Variants in RASSF5 observed in about 807,000 individuals in gnomAD.
RASSF5 encodes the protein ras association domain-containing protein 5.
In RASSF5, 25 loss-of-function variants were observed where a neutral mutation model predicts 40.5. The observed-to-expected ratio is 0.62, with a 90% CI of 0.45 to 0.86. The LOEUF (loss-of-function observed/expected upper bound fraction) is 0.86, where lower values mean the gene tolerates loss of function less well. RASSF5 is among the 40% of genes least tolerant of loss of function. The pLI is 0.00. For missense variants in RASSF5, 521 were observed against 572.8 expected (o/e 0.91, Z 0.92); for synonymous variants, 246 against 252.4 (o/e 0.97, Z 0.24).
At chr1:206,578,222 C>CA (rs79362621) in intron 2 of RASSF5, among the ~76,000 whole-genome samples, 12 of 137,324 alleles carry the variant, frequency 8.7e-5, no homozygotes, top group South Asian at 2.4e-4. Context: ...GGAGACATCT[C>CA]AAAAAAAAAA....
At chr1:206,544,978 G>A (rs947812615) in intron 2 of RASSF5, 6 of 152,196 alleles carry the variant, frequency 3.9e-5, no homozygotes, top group Middle Eastern at 3.2e-3. Context: ...ACCACGTGGG[G>A]GAGCCAGAGA....
intron 2 of RASSF5, among the ~76,000 whole-genome samples, chr1:206,576,405 T>C (rs934383485): frequency 3.9e-5 from 6 of 152,330 alleles, no homozygotes; most frequent in African/African-American, 1.4e-4. Flanking sequence ...GCCAGCTTTG[T>C]TGCCTCCTCA....
chr1:206,533,968 A>G (rs926871560), intron 1 of RASSF5, among the ~76,000 whole-genome samples: 2 of 152,198 alleles, frequency 1.3e-5, no homozygotes, highest in South Asian at 4.1e-4. Context: ...GCTGCACACC[A>G]AGGAATCCAG....
rs1476107243 is a variant in RASSF5 at position 206,535,643 on chromosome 1, G to C, written c.458-2529G>C. On this transcript the variant is annotated intron_variant, in intron 1 of 5. Coordinates refer to ENST00000579436, the MANE Select transcript of RASSF5 (RefSeq NM_182663.4). This position sits in a 1 kb window ranked among gnomAD's most constrained non-coding sequence, Gnocchi z 5.0. Reference sequence around the variant, plus strand: ...CCCAGAACACTTCTCAGAGTCTTCTGCTACTTAGTGTTGTCCAGCTCAGCA... The same window carrying C: ...CCCAGAACACTTCTCAGAGTCTTCTCCTACTTAGTGTTGTCCAGCTCAGCA... Among the ~76,000 whole-genome samples the C allele has an allele frequency of 6.6e-6, 1 of 151,940 alleles. No individual in the cohort carries two copies. The highest frequency in any genetic ancestry group is 1.9e-4 in the East Asian group (1 of 5,188).
chr1:206,555,508 G>GA (rs111874654), intron 2 of RASSF5, among the ~76,000 whole-genome samples: 3,589 of 143,950 alleles, frequency 0.025, 132 homozygotes, highest in African/African-American at 0.084. Flanking sequence ...CTCTCTGGGG[G>GA]AAACCCCCCA....
At chr1:206,546,508 T>C (rs1436540020) in intron 2 of RASSF5, among the ~76,000 whole-genome samples, 2 of 152,234 alleles carry the variant, frequency 1.3e-5, no homozygotes, top group Non-Finnish European at 2.9e-5. Flanking sequence ...TACTTTATGA[T>C]TGCATTTTAT....
chr1:206,526,120 G>C (rs1195659429), intron 1 of RASSF5, among the ~76,000 whole-genome samples: 6 of 152,200 alleles, frequency 3.9e-5, no homozygotes, highest in African/African-American at 1.4e-4. Context: ...CCTCTTGGCT[G>C]TTCTCACAGA....
intron 1 of RASSF5, among the ~76,000 whole-genome samples, chr1:206,524,928 C>A (rs1449188437): frequency 6.6e-6 from 1 of 151,644 alleles, no homozygotes; most frequent in African/African-American, 2.4e-5. Flanking sequence ...GCTACAGCAC[C>A]CCCAAAGAAC....
chr1:206,518,196 G>T (rs551432260), intron 1 of RASSF5, among the ~76,000 whole-genome samples: 1 of 152,106 alleles, frequency 6.6e-6, no homozygotes, highest in Non-Finnish European at 1.5e-5. Flanking sequence ...TTTCCACTGG[G>T]GGAGGTGGAG....
chr1:206,521,973 G>A (rs1188950248), intron 1 of RASSF5, among the ~76,000 whole-genome samples: 3 of 152,190 alleles, frequency 2.0e-5, no homozygotes, highest in Non-Finnish European at 2.9e-5. Flanking sequence ...TGGATATCAT[G>A]GGCTTGTTGC....
chr1:206,536,865 G>T (rs1553398749), intron 1 of RASSF5, among the ~76,000 whole-genome samples: 3 of 150,368 alleles, frequency 2.0e-5, no homozygotes, highest in Non-Finnish European at 4.4e-5. Context: ...GCGCCTAGAA[G>T]GCTGGGCCTT....
intron 1 of RASSF5, among the ~76,000 whole-genome samples, chr1:206,526,929 C>T (rs1553397286): frequency 6.6e-6 from 1 of 152,150 alleles, no homozygotes; most frequent in Non-Finnish European, 1.5e-5. Flanking sequence ...CCGTTGGATG[C>T]TTTGCATACA....
At chr1:206,554,088 C>T (rs1310468070) in intron 2 of RASSF5, among the ~76,000 whole-genome samples, 3 of 152,192 alleles carry the variant, frequency 2.0e-5, no homozygotes, top group Non-Finnish European at 2.9e-5. Context: ...TACTAGCTAA[C>T]GGTGATTTCA....
At chr1:206,538,075 A>G (rs1553398886) in intron 1 of RASSF5, 97 bp from the exon 2 acceptor site, 15 of 1,540,494 alleles carry the variant, frequency 9.7e-6, no homozygotes, top group Non-Finnish European at 1.3e-5. Context: ...TGCTCTTCCC[A>G]CTGGGAACTA....
chr1:206,574,005 A>G (rs1316989484), intron 2 of RASSF5, among the ~76,000 whole-genome samples: 1 of 152,260 alleles, frequency 6.6e-6, no homozygotes, highest in Admixed American at 6.5e-5. Flanking sequence ...TTAGGGGATT[A>G]AATGAGATCA....
In RASSF5 at chr1:206,555,713, G is replaced by A. The variant is rs73080918; in HGVS notation, c.579+17420G>A. The stretch of plus-strand genomic sequence containing the variant: ...TTGACAGTTCTCCTGCACCGAGGGC[G>A]GCCAGCCGGCTGGGGTGCTGACTCT... On this transcript the variant is annotated intron_variant, in intron 2 of 5. Transcript: ENST00000579436. 5.7e-3 allele frequency among the ~76,000 whole-genome samples: 873 copies of A among 152,346 alleles called. 11 individuals are homozygous for A. The highest frequency in any genetic ancestry group is 0.02 in the African/African-American group (813 of 41,572).
chr1:206,511,913 C>T (rs2103499969), intron 1 of RASSF5, among the ~76,000 whole-genome samples: 1 of 152,244 alleles, frequency 6.6e-6, no homozygotes, highest in South Asian at 2.1e-4. Context: ...GAAAAAGGCT[C>T]CTGGGACATT....
chr1:206,574,306 C>A (rs542297858), intron 2 of RASSF5, among the ~76,000 whole-genome samples: 1 of 152,190 alleles, frequency 6.6e-6, no homozygotes, highest in Non-Finnish European at 1.5e-5. Flanking sequence ...TGTGCCACAG[C>A]GCATCCATCT....
chr1:206,534,846 G>T (rs182739802), intron 1 of RASSF5, among the ~76,000 whole-genome samples: 1 of 152,170 alleles, frequency 6.6e-6, no homozygotes, highest in Non-Finnish European at 1.5e-5. Context: ...AGAGGCGATG[G>T]CACTAGCTGC....
Sources: gnomAD v4.1 joint callset for allele counts (sites outside exome capture counted in the v4.1 genomes callset) on GRCh38, gnomAD v4.1.1 for gene constraint, Gnocchi (gnomAD v3.1) non-coding constraint, MANE v1.5 for transcripts, NCBI Gene and HGNC (gene_info 2026-07-23, HGNC 2026-07-21) for gene names.